The following TPD52L2 variants were observed in gnomAD, a reference collection of about 807,000 sequenced individuals.
The protein encoded by TPD52L2 is tumor protein D54.
In TPD52L2, 19 loss-of-function variants were observed where a neutral mutation model predicts 24.7. That is an observed-to-expected ratio of 0.77 (90% CI 0.54 to 1.13). The LOEUF is 1.13. TPD52L2 is among the 50% of genes most tolerant of loss of function. The pLI is 0.00. For synonymous variants in TPD52L2, 104 were observed against 100.2 expected (o/e 1.04, Z -0.23); for missense variants, 236 against 250.4 (o/e 0.94, Z 0.39).
rs200453484 is a variant in TPD52L2, at chr20:63,875,805, T to C, written c.315-11T>C. On this transcript the variant is annotated splice_polypyrimidine_tract_variant and intron_variant, in intron 3 of 6. Transcript: ENST00000346249. ...CTTCTAAATAATTCACTGTAGACTT[T>C]CTGTTTTTAGCTATGTGAAAACTTC... 2 of 1,613,968 alleles carry C rather than the reference T, an allele frequency of 1.2e-6. No homozygotes were observed. The highest frequency in any genetic ancestry group is 1.1e-5 in the South Asian group (1 of 91,058).
chr20:63,867,358 G>A (rs2052290624), intron 1 of TPD52L2, among the ~76,000 whole-genome samples: 1 of 152,160 alleles, frequency 6.6e-6, no homozygotes, highest in African/African-American at 2.4e-5. Flanking sequence ...TTGAGGTCAG[G>A]AGTTTGAGAC....
At position 63,873,814 on chromosome 20, in the gene TPD52L2, C is replaced by T. The variant is rs773174448; in HGVS notation, c.312C>T (p.Ser104=). 34 of 1,536,822 alleles carry T rather than the reference C, an allele frequency of 2.2e-5. No individual in the cohort carries two copies. The highest frequency in any genetic ancestry group is 4.7e-5 in the Admixed American group (2 of 42,896). ...GCTGGCATGACGTGCAGGTCTCTAGCGCGTAGGTACCTGCCCCAGGCGCAC... is the reference window on the plus strand; with the variant it reads ...GCTGGCATGACGTGCAGGTCTCTAGTGCGTAGGTACCTGCCCCAGGCGCAC... ...SRSWHDVQVS[S]AYVKTSEKLG... The change falls in exon 3 of 7, where the codon AGC becomes AGT. Residue 104 remains serine, a splice_region_variant and synonymous_variant. Transcript: ENST00000346249.
At chr20:63,875,719 T>TG in intron 3 of TPD52L2, 97 bp from the exon 4 acceptor site, 1 of 1,261,772 alleles carries the variant, frequency 7.9e-7, no homozygotes, top group Non-Finnish European at 1.1e-6. Flanking sequence ...TCCTGCCAGC[T>TG]GGTCCCTCTC....
intron 1 of TPD52L2, among the ~76,000 whole-genome samples, chr20:63,866,730 A>G (rs2052254027): frequency 7.1e-6 from 1 of 141,450 alleles, no homozygotes; most frequent in Non-Finnish European, 1.5e-5. Context: ...AAGTGCTGGG[A>G]TTACAGGCGT....
chr20:63,868,557 T>A (rs1453069042), intron 1 of TPD52L2, among the ~76,000 whole-genome samples: 1 of 152,222 alleles, frequency 6.6e-6, no homozygotes. Flanking sequence ...GTGCTCCTAG[T>A]ACGTAATTTT....
rs764790449 is a variant in TPD52L2 at position 63,867,790 on chromosome 20, G to GT, written c.20-1494dup. Among the ~76,000 whole-genome samples the GT allele has an allele frequency of 9.6e-3, 1,295 of 134,452 alleles. 3 individuals are homozygous for GT. Among genetic ancestry groups the GT allele is most frequent in the Non-Finnish European group, 0.012 (715 of 61,906 alleles). 88.2% of individuals were successfully genotyped at this position (134,452 alleles called of 152,430 possible). On this transcript the variant is annotated intron_variant, in intron 1 of 6. Transcript: ENST00000346249. ...TTTTTTTTTCTTTTTCTTTTCTTTTGTTTTTTTTTTTTGAGACAGTCTCAA... is the reference window on the plus strand; with the variant it reads ...TTTTTTTTTCTTTTTCTTTTCTTTTGTTTTTTTTTTTTTGAGACAGTCTCAA...
At chr20:63,871,823 G>A (rs1555871875) in intron 2 of TPD52L2, among the ~76,000 whole-genome samples, 1 of 151,770 alleles carries the variant, frequency 6.6e-6, no homozygotes, top group Middle Eastern at 3.4e-3. Flanking sequence ...TGGTAGAGAC[G>A]GCCTTTCATC....
chr20:63,885,046 G>A (rs2053044221), intron 5 of TPD52L2, among the ~76,000 whole-genome samples: 2 of 152,242 alleles, frequency 1.3e-5, no homozygotes, highest in Non-Finnish European at 1.5e-5. Flanking sequence ...GACTGAGGTT[G>A]AGAGCTCACT....
At chr20:63,876,786 C>G (rs1446190115) in intron 4 of TPD52L2, 1 of 455,740 alleles carries the variant, frequency 2.2e-6, no homozygotes, top group Non-Finnish European at 4.4e-6. Flanking sequence ...TGTCAGGAAC[C>G]CCGGGCGGTT....
chr20:63,883,255 C>T (rs1038956794), intron 5 of TPD52L2, among the ~76,000 whole-genome samples: 6 of 152,176 alleles, frequency 3.9e-5, no homozygotes, highest in African/African-American at 9.7e-5. Context: ...TGCAGTCAGA[C>T]GCCAGGAGGC....
At chr20:63,887,941 G>C (rs1488345677) in intron 5 of TPD52L2, 3 of 421,088 alleles carry the variant, frequency 7.1e-6, no homozygotes, top group Admixed American at 4.2e-5. Flanking sequence ...GCCCTGGTGG[G>C]CTGTCACTCA....
intron 2 of TPD52L2, among the ~76,000 whole-genome samples, chr20:63,871,117 A>G (rs1353665965): frequency 6.6e-6 from 1 of 151,376 alleles, no homozygotes; most frequent in Non-Finnish European, 1.5e-5. Flanking sequence ...ATCTCAGCTC[A>G]CTGGAGCCTC....
At chr20:63,867,552 T>TA (rs1300967039) in intron 1 of TPD52L2, among the ~76,000 whole-genome samples, 1 of 147,268 alleles carries the variant, frequency 6.8e-6, no homozygotes, top group South Asian at 2.1e-4. Flanking sequence ...GGTGACAGAG[T>TA]AAGACTCGTC....
chr20:63,889,978 C>G lies in TPD52L2; in HGVS notation c.*33C>G. The G allele has an allele frequency of 2.5e-6, 4 of 1,612,354 alleles. No homozygotes were observed. In the Admixed American group the frequency reaches 5.0e-5, roughly 20 times the overall value. On this transcript the variant is annotated 3_prime_UTR_variant, in exon 7 of 7. Coordinates refer to ENST00000346249, the MANE Select transcript of TPD52L2 (RefSeq NM_003288.4). ...GTTGCTTCACCCGCTGCAGAGCACA[C>G]GCAACCCAGCCTCAGCATCACAGCC... is the stretch of plus-strand genomic sequence containing the variant.
intron 5 of TPD52L2, chr20:63,887,492 A>G: frequency 6.5e-7 from 1 of 1,531,388 alleles, no homozygotes; most frequent in Non-Finnish European, 9.0e-7. Context: ...CATCCCTGCC[A>G]AGTTGGGGTT....
At chr20:63,887,402 CGA>C in intron 5 of TPD52L2, 1 of 839,920 alleles carries the variant, frequency 1.2e-6, no homozygotes, top group South Asian at 1.4e-5. Flanking sequence ...ACCCTGGGGT[CGA>C]GTTTCCTTCG....
intron 4 of TPD52L2, among the ~76,000 whole-genome samples, chr20:63,880,616 C>CCTAAAAAG (rs2052856560): frequency 6.6e-6 from 1 of 152,236 alleles, no homozygotes; most frequent in Non-Finnish European, 1.5e-5. Context: ...TTGGGCTGGG[C>CCTAAAAAG]ACGGTGGCTC....
At chr20:63,865,657 G>A (rs1157795886) in intron 1 of TPD52L2, among the ~76,000 whole-genome samples, 1 of 151,712 alleles carries the variant, frequency 6.6e-6, no homozygotes, top group Non-Finnish European at 1.5e-5. Flanking sequence ...GGCGCCCGCC[G>A]TTGCTCCCGT....
intron 4 of TPD52L2, among the ~76,000 whole-genome samples, chr20:63,882,428 G>T (rs902208035): frequency 5.9e-5 from 9 of 152,250 alleles, no homozygotes; most frequent in African/African-American, 2.2e-4. Context: ...GTGAAATTGG[G>T]TTGTGAGATG....
Sources: gnomAD v4.1 joint callset for allele counts (sites outside exome capture counted in the v4.1 genomes callset) on GRCh38, gnomAD v4.1.1 for gene constraint, MANE v1.5 for transcripts, NCBI Gene and HGNC (gene_info 2026-07-23, HGNC 2026-07-21) for gene names.